PLEKHG1: variants seen among roughly 807,000 people sequenced by gnomAD.
PLEKHG1 encodes the protein pleckstrin homology and RhoGEF domain containing G1.
PLEKHG1 carries 44 observed loss-of-function variants against 100.8 expected under a neutral mutation model. That is an observed-to-expected ratio of 0.44 (90% confidence interval 0.34 to 0.56). PLEKHG1 has a LOEUF of 0.56. Among genes scored for constraint, PLEKHG1 ranks in the 20% least tolerant of loss-of-function variants. PLEKHG1 has a pLI of 0.01. For missense variants in PLEKHG1, 1,545 were observed against 1,720.9 expected (o/e 0.90, Z 1.81); for synonymous variants, 640 against 662.5 (o/e 0.97, Z 0.52).
intron 1 of PLEKHG1, among the ~76,000 whole-genome samples, chr6:150,727,135 T>C (rs1254729539): frequency 6.6e-6 from 1 of 152,188 alleles, no homozygotes; most frequent in East Asian, 1.9e-4. Flanking sequence ...ACACAGCACA[T>C]TCTCTTGATT....
intron 2 of PLEKHG1, among the ~76,000 whole-genome samples, chr6:150,643,319 A>G (rs1355813141): frequency 6.6e-6 from 1 of 152,194 alleles, no homozygotes; most frequent in Non-Finnish European, 1.5e-5. Flanking sequence ...TCAACTTACC[A>G]TGAAATCTAG....
intron 4 of PLEKHG1, among the ~76,000 whole-genome samples, chr6:150,787,747 G>T (rs759738794): frequency 3.9e-5 from 6 of 152,166 alleles, no homozygotes; most frequent in African/African-American, 1.4e-4. Flanking sequence ...TTGGAGCAAA[G>T]TTCCTTAAAG....
At chr6:150,731,280 C>T (rs989165384) in intron 1 of PLEKHG1, among the ~76,000 whole-genome samples, 1 of 152,122 alleles carries the variant, frequency 6.6e-6, no homozygotes, top group African/African-American at 2.4e-5. Flanking sequence ...TGTTATAGAA[C>T]AAGCAGAAAG....
In PLEKHG1 at chr6:150,779,344, G is replaced by GTTTGTTTTTTTTTTT. The variant is rs1257363893; in HGVS notation, c.513-7043_513-7042insGTTTTTTTTTTTTTT. ...ACAGGGGGTTAAATATTGTCAAGAA[G>GTTTGTTTTTTTTTTT]TTTTTTTTTTTTTTTTTTTGAGACA... On this transcript the variant is annotated intron_variant, in intron 3 of 15. Coordinates refer to ENST00000358517, the Ensembl canonical transcript of PLEKHG1. 7.1e-3 allele frequency among the ~76,000 whole-genome samples: 745 copies of GTTTGTTTTTTTTTTT among 104,284 alleles called. 55 individuals are homozygous for GTTTGTTTTTTTTTTT. Among genetic ancestry groups the GTTTGTTTTTTTTTTT allele is most frequent in the Middle Eastern group, 0.016 (3 of 184 alleles). The allele number at this position is 104,284 out of a possible 152,430, so 68.4% of individuals were successfully genotyped here.
intron 3 of PLEKHG1, among the ~76,000 whole-genome samples, chr6:150,688,834 A>G (rs763251224): frequency 1.3e-5 from 2 of 152,202 alleles, no homozygotes; most frequent in Non-Finnish European, 2.9e-5. Context: ...GTACAATTCA[A>G]TGGTTTTTGG....
chr6:150,806,840 A>G (rs1278836956), intron 7 of PLEKHG1, among the ~76,000 whole-genome samples: 1 of 140,714 alleles, frequency 7.1e-6, no homozygotes, highest in Non-Finnish European at 1.5e-5. Context: ...AAAAAAAAAA[A>G]AAAAAAAAAA....
chr6:150,694,228 C>T (rs958103543), intron 3 of PLEKHG1, among the ~76,000 whole-genome samples: 14 of 152,204 alleles, frequency 9.2e-5, no homozygotes, highest in Non-Finnish European at 1.8e-4. Context: ...GTAAGAGTTC[C>T]AGTCCCAGAC....
intron 3 of PLEKHG1, among the ~76,000 whole-genome samples, chr6:150,653,888 C>T (rs1053770145): frequency 6.6e-6 from 1 of 152,042 alleles, no homozygotes; most frequent in Non-Finnish European, 1.5e-5. Context: ...GTTAGATGGC[C>T]GTAGTTGTTC....
chr6:150,757,143 G>T (rs905190488), intron 2 of PLEKHG1, among the ~76,000 whole-genome samples: 1 of 152,084 alleles, frequency 6.6e-6, no homozygotes, highest in Non-Finnish European at 1.5e-5. Context: ...GATTACAGGC[G>T]CCCACTACCA....
At chr6:150,635,645 C>T (rs1034774176) in intron 1 of PLEKHG1, among the ~76,000 whole-genome samples, 2 of 152,210 alleles carry the variant, frequency 1.3e-5, no homozygotes, top group Admixed American at 1.3e-4. Context: ...GTGTATGTGG[C>T]ATTTTTTGGT....
At chr6:150,716,552 C>A (rs904066076), upstream of PLEKHG1, among the ~76,000 whole-genome samples, 1 of 152,166 alleles carries the variant, frequency 6.6e-6, no homozygotes, top group African/African-American at 2.4e-5. Flanking sequence ...TGAGCTGTTG[C>A]CTGGCTGCAC....
chr6:150,729,093 GTTTA>G (rs573831602), intron 1 of PLEKHG1, among the ~76,000 whole-genome samples: 59 of 152,080 alleles, frequency 3.9e-4, no homozygotes, highest in African/African-American at 1.0e-3. Context: ...GTGTTTGTTT[GTTTA>G]TTTATTTATT....
chr6:150,819,546 A>T lies in PLEKHG1; in HGVS notation c.1313-133A>T, dbSNP rs1464159919. The T allele has an allele frequency of 9.1e-6, 4 of 440,248 alleles. No individual in the cohort carries two copies. The East Asian group carries it at 1.5e-4, about 16-fold the overall frequency. 27.3% of individuals were successfully genotyped at this position (440,248 alleles called of 1,614,324 possible). A position where few individuals can be genotyped will look rare whatever the true frequency, so the allele number is the denominator to read the frequency against. The stretch of plus-strand genomic sequence containing the variant: ...ATGCCACCGCACTTCAGCGTGGGTG[A>T]CAGAGCAAGACTCTGTCTCAAAAAT... On this transcript the variant is annotated intron_variant, in intron 11 of 15. Coordinates refer to ENST00000358517, the Ensembl canonical transcript of PLEKHG1.
chr6:150,754,579 G>A (rs550954508), intron 2 of PLEKHG1, among the ~76,000 whole-genome samples: 17 of 152,084 alleles, frequency 1.1e-4, no homozygotes, highest in Non-Finnish European at 2.2e-4. Flanking sequence ...AGATATAGGT[G>A]GGAGAGGAGA....
intron 3 of PLEKHG1, among the ~76,000 whole-genome samples, chr6:150,672,739 A>G (rs1192212078): frequency 6.6e-6 from 1 of 151,892 alleles, no homozygotes; most frequent in Non-Finnish European, 1.5e-5. Flanking sequence ...TTCAAGTTTG[A>G]GTGAGAAGAA....
chr6:150,610,646 G>C (rs752838325), intron 1 of PLEKHG1, among the ~76,000 whole-genome samples: 8 of 152,222 alleles, frequency 5.3e-5, no homozygotes, highest in Non-Finnish European at 1.2e-4. Flanking sequence ...GCAGGAAAAG[G>C]AAGGAAAGCA....
At chr6:150,755,410 T>A (rs1783779447) in intron 2 of PLEKHG1, among the ~76,000 whole-genome samples, 1 of 152,122 alleles carries the variant, frequency 6.6e-6, no homozygotes, top group South Asian at 2.1e-4. Flanking sequence ...TGGCAGAGAA[T>A]GGTGGGGGGA....
chr6:150,687,889 T>C (rs1414092218), intron 3 of PLEKHG1, among the ~76,000 whole-genome samples: 1 of 152,266 alleles, frequency 6.6e-6, no homozygotes, highest in East Asian at 1.9e-4. Context: ...TAATCTACTT[T>C]TAAGAGGTAT....
chr6:150,789,911 T>C (rs1056764558), intron 4 of PLEKHG1, among the ~76,000 whole-genome samples: 5 of 152,222 alleles, frequency 3.3e-5, no homozygotes, highest in Non-Finnish European at 5.9e-5. Flanking sequence ...GTGGAGTCTA[T>C]AGCAGTCGAG....
Sources: gnomAD v4.1 joint callset for allele counts (sites outside exome capture counted in the v4.1 genomes callset) on GRCh38, gnomAD v4.1.1 for gene constraint, MANE v1.5 for transcripts, NCBI Gene and HGNC (gene_info 2026-07-23, HGNC 2026-07-21) for gene names.